EYS: variants seen among roughly 807,000 people sequenced by gnomAD.
EYS encodes the protein EGF-like photoreceptor maintenance factor, also known as protein eyes shut homolog.
In EYS, 250 loss-of-function variants were observed where a neutral mutation model predicts 282.1. The ratio of observed to expected loss-of-function variants is 0.89; its 90% CI spans 0.80 to 0.98. The LOEUF is 0.98. Ranked by LOEUF, EYS falls within the 50% of genes least tolerant of loss-of-function variation. EYS has a pLI of 0.00. For missense variants in EYS, 4,016 were observed against 3,709.0 expected (o/e 1.08, Z -2.15); for synonymous variants, 1,355 against 1,282.9 (o/e 1.06, Z -1.20).
intron 22 of EYS, among the ~76,000 whole-genome samples, chr6:64,740,873 C>G (rs1392409942): frequency 6.6e-6 from 1 of 152,108 alleles, no homozygotes. Context: ...GCCACCACGC[C>G]TGGCTAATTT....
At chr6:63,884,094 CACAAAGTCTAGA>C (rs1194819784) in intron 35 of EYS, among the ~76,000 whole-genome samples, 1 of 152,106 alleles carries the variant, frequency 6.6e-6, no homozygotes, top group African/African-American at 2.4e-5. Flanking sequence ...GGATTGTGCT[CACAAAGTCTAGA>C]ACAATGGCTG....
At chr6:65,345,550 T>A (rs1244368652) in intron 9 of EYS, among the ~76,000 whole-genome samples, 1 of 151,792 alleles carries the variant, frequency 6.6e-6, no homozygotes. Context: ...ATTCAGTTAT[T>A]TAAGAAATTG....
At chr6:63,927,692 C>A (rs558668448) in intron 35 of EYS, among the ~76,000 whole-genome samples, 3 of 152,156 alleles carry the variant, frequency 2.0e-5, no homozygotes, top group Non-Finnish European at 4.4e-5. Flanking sequence ...AAGATGGAAA[C>A]CAGTTGCTGC....
chr6:64,406,469 A>G (rs1336436849), intron 28 of EYS, among the ~76,000 whole-genome samples: 1 of 152,196 alleles, frequency 6.6e-6, no homozygotes, highest in Non-Finnish European at 1.5e-5. Flanking sequence ...AATGGGATCT[A>G]ATTAAACTAA....
At chr6:65,398,108 A>AT (rs1381292852) in intron 7 of EYS, among the ~76,000 whole-genome samples, 2 of 151,740 alleles carry the variant, frequency 1.3e-5, no homozygotes, top group African/African-American at 4.8e-5. Context: ...GGGTTATTTG[A>AT]TTTTTTCCTT....
intron 29 of EYS, among the ~76,000 whole-genome samples, chr6:64,364,194 A>T (rs1263141610): frequency 6.6e-6 from 1 of 151,918 alleles, no homozygotes. Flanking sequence ...AAAATTCTCC[A>T]TAAAGACCAA....
chr6:64,451,688 T>C (rs553136845), intron 26 of EYS, among the ~76,000 whole-genome samples: 41 of 152,314 alleles, frequency 2.7e-4, no homozygotes, highest in East Asian at 2.3e-3. Flanking sequence ...ATCCCCGGGA[T>C]GCAAGGCTGG....
intron 18 of EYS, among the ~76,000 whole-genome samples, chr6:64,892,178 A>G (rs1767312063): frequency 6.6e-6 from 1 of 152,016 alleles, no homozygotes; most frequent in African/African-American, 2.4e-5. Context: ...CCCCCAAATT[A>G]GCCACGATTA....
At chr6:65,282,283 GTTTGA>G (rs1768245492) in intron 12 of EYS, among the ~76,000 whole-genome samples, 1 of 151,936 alleles carries the variant, frequency 6.6e-6, no homozygotes, top group Non-Finnish European at 1.5e-5. Context: ...CTGTTAACTA[GTTTGA>G]TTTAATTACT....
At chr6:64,491,767 A>G (rs1057299338) in intron 26 of EYS, among the ~76,000 whole-genome samples, 4 of 151,130 alleles carry the variant, frequency 2.6e-5, no homozygotes, top group African/African-American at 7.3e-5. Flanking sequence ...TTAAACTCTT[A>G]TAAGCTATGT....
chr6:65,200,156 G>A (rs937503951), intron 12 of EYS, among the ~76,000 whole-genome samples: 8 of 152,094 alleles, frequency 5.3e-5, no homozygotes, highest in Admixed American at 2.0e-4. Flanking sequence ...TTTGAGTGAA[G>A]GAAAGTTAAG....
At chr6:65,252,036 G>C (rs966637335) in intron 12 of EYS, among the ~76,000 whole-genome samples, 1 of 151,920 alleles carries the variant, frequency 6.6e-6, no homozygotes, top group African/African-American at 2.4e-5. Context: ...TTTTTCCAGG[G>C]GGTAGGGGCG....
At chr6:65,572,569 T>C (rs977020258) in intron 2 of EYS, among the ~76,000 whole-genome samples, 1 of 152,160 alleles carries the variant, frequency 6.6e-6, no homozygotes, top group African/African-American at 2.4e-5. Flanking sequence ...AAATATACAG[T>C]CATGTGCCAC....
At chr6:64,300,957 A>G (rs1769213414) in intron 30 of EYS, among the ~76,000 whole-genome samples, 1 of 152,206 alleles carries the variant, frequency 6.6e-6, no homozygotes, top group Non-Finnish European at 1.5e-5. Context: ...TCTCTAGTAG[A>G]AAAGAATTTT....
chr6:64,738,770 T>A (rs558870625), intron 22 of EYS, among the ~76,000 whole-genome samples: 22 of 152,348 alleles, frequency 1.4e-4, no homozygotes, highest in Admixed American at 1.0e-3. Flanking sequence ...TTAGTAATTT[T>A]TTTTAAGATG....
intron 2 of EYS, among the ~76,000 whole-genome samples, chr6:65,589,160 T>C (rs904964350): frequency 3.3e-5 from 5 of 152,026 alleles, no homozygotes; most frequent in Non-Finnish European, 5.9e-5. Context: ...TTACAGTCAC[T>C]ATCCCTGAAT....
chr6:65,704,620 G>C (rs1038438034), intron 1 of EYS, among the ~76,000 whole-genome samples: 1 of 152,148 alleles, frequency 6.6e-6, no homozygotes, highest in African/African-American at 2.4e-5. Context: ...GGTTATATTT[G>C]ATTTCTCAGT....
intron 19 of EYS, among the ~76,000 whole-genome samples, chr6:64,870,886 G>A (rs979869708): frequency 1.3e-5 from 2 of 151,770 alleles, no homozygotes; most frequent in Non-Finnish European, 3.0e-5. Context: ...TATGAATTCA[G>A]AGAAACAGAA....
intron 12 of EYS, among the ~76,000 whole-genome samples, chr6:65,247,059 AT>A (rs1767198442): frequency 6.6e-6 from 1 of 152,072 alleles, no homozygotes; most frequent in African/African-American, 2.4e-5. Flanking sequence ...TCATAGGGTG[AT>A]TTTATGTTTT....
Sources: gnomAD v4.1 joint callset for allele counts (sites outside exome capture counted in the v4.1 genomes callset) on GRCh38, gnomAD v4.1.1 for gene constraint, MANE v1.5 for transcripts, NCBI Gene and HGNC (gene_info 2026-07-23, HGNC 2026-07-21) for gene names.